Variants in MYO5A observed in about 807,000 individuals in gnomAD.
The protein encoded by MYO5A is myosin VA.
A neutral mutation model predicts 249.7 loss-of-function variants in MYO5A; 98 were observed. That is an observed-to-expected ratio of 0.39 (90% CI 0.33 to 0.46). The LOEUF is 0.46. Ranked by LOEUF, MYO5A falls within the 20% of genes least tolerant of loss-of-function variation. The probability of loss-of-function intolerance (pLI) is 0.98; values close to 1 mark genes in which losing one functional copy is unlikely to be tolerated. For missense variants in MYO5A, 1,696 were observed against 2,308.8 expected, an observed-to-expected ratio of 0.73 and a Z score of 5.44; for synonymous variants, 778 against 810.6, an observed-to-expected ratio of 0.96 and a Z score of 0.68.
At chr15:52,446,839 C>T (rs541426855) in intron 1 of MYO5A, among the ~76,000 whole-genome samples, 1 of 152,318 alleles carries the variant, frequency 6.6e-6, no homozygotes, top group African/African-American at 2.4e-5. Flanking sequence ...AGGTTTCAAA[C>T]TTGTCTGTAG....
chr15:52,462,565 C>T (rs769058512), intron 1 of MYO5A, among the ~76,000 whole-genome samples: 20 of 151,746 alleles, frequency 1.3e-4, no homozygotes, highest in African/African-American at 2.4e-4. Context: ...TTAAGGTTAT[C>T]GGCCAGGCAC....
intron 4 of MYO5A, among the ~76,000 whole-genome samples, chr15:52,419,192 C>A (rs1378875524): frequency 1.3e-5 from 2 of 152,170 alleles, no homozygotes; most frequent in Admixed American, 6.6e-5. Context: ...GCACCTAGGT[C>A]TAACTTTTTA....
chr15:52,403,208 A>G (rs1166428376), intron 9 of MYO5A, among the ~76,000 whole-genome samples: 1 of 152,224 alleles, frequency 6.6e-6, no homozygotes, highest in African/African-American at 2.4e-5. Context: ...ACAAGGGCAA[A>G]GAGGAAAGAT....
At chr15:52,502,621 G>A (rs578175478) in intron 1 of MYO5A, among the ~76,000 whole-genome samples, 1 of 152,312 alleles carries the variant, frequency 6.6e-6, no homozygotes, top group African/African-American at 2.4e-5. Context: ...CTTTTAGTAA[G>A]AGAACAGAGA....
At chr15:52,506,711 T>C (rs1326272231) in intron 1 of MYO5A, among the ~76,000 whole-genome samples, 1 of 152,066 alleles carries the variant, frequency 6.6e-6, no homozygotes, top group Non-Finnish European at 1.5e-5. Flanking sequence ...TGCCTGCACC[T>C]GTAATCCCAG....
chr15:52,522,948 C>T (rs879694561), intron 1 of MYO5A, among the ~76,000 whole-genome samples: 2 of 151,716 alleles, frequency 1.3e-5, no homozygotes, highest in East Asian at 1.9e-4. Flanking sequence ...GGACAATACA[C>T]AAAACTTTCA....
At chr15:52,440,997 A>C (rs2075774217) in intron 1 of MYO5A, among the ~76,000 whole-genome samples, 1 of 152,238 alleles carries the variant, frequency 6.6e-6, no homozygotes, top group Non-Finnish European at 1.5e-5. Flanking sequence ...CAAGCATATT[A>C]CAAAAACTAA....
chr15:52,407,460 T>C, intron 7 of MYO5A, 61 bp from the exon 8 acceptor site: 2 of 1,187,838 alleles, frequency 1.7e-6, no homozygotes, highest in Middle Eastern at 1.9e-4. Context: ...TCTAACCTTA[T>C]GTCCACTCTG....
At position 52,345,085 on chromosome 15, in the gene MYO5A, C is replaced by T. The variant is rs139612589; in HGVS notation, c.3959+1276G>A. ...GTCATCCTTCAATATCCATTGGGTTCCAGGTCCTCCCTTGGATAGCAAGAT... is the reference window on the plus strand; with the variant it reads ...GTCATCCTTCAATATCCATTGGGTTTCAGGTCCTCCCTTGGATAGCAAGAT... On this transcript the variant is annotated intron_variant, in intron 30 of 41. Coordinates refer to ENST00000399233, the MANE Select transcript of MYO5A (RefSeq NM_001382347.1). Among the ~76,000 whole-genome samples the T allele has an allele frequency of 4.3e-4, 65 of 152,288 alleles. 1 individual carries two copies. In the East Asian group the frequency reaches 6.9e-3, roughly 16 times the overall value.
At position 52,313,462 on chromosome 15, in the gene MYO5A, G is replaced by A. The variant is rs1040039255; in HGVS notation, c.*234C>T. The A allele has an allele frequency of 2.1e-5, 11 of 527,262 alleles. No homozygotes were observed. Among genetic ancestry groups the A allele is most frequent in the African/African-American group, 3.8e-5 (2 of 52,254 alleles). 32.7% of individuals were successfully genotyped at this position (527,262 alleles called of 1,614,324 possible). On this transcript the variant is annotated 3_prime_UTR_variant, in exon 42 of 42. Transcript: ENST00000399233. Reference sequence around the variant, plus strand: ...ATCATTCTCCTGTATGTAAACTCACGGTACCTAGTTGGTTAAGGATGAGTG... The same window carrying A: ...ATCATTCTCCTGTATGTAAACTCACAGTACCTAGTTGGTTAAGGATGAGTG...
chr15:52,399,988 C>A lies in MYO5A; in HGVS notation c.1054-2522G>T, dbSNP rs575835524. ...TTGCTGCAAAGGGCATGATTTCATT[C>A]TTTTTTATGACTGGGTAGTATTCCA... is the stretch of plus-strand genomic sequence containing the variant. On this transcript the variant is annotated intron_variant, in intron 9 of 41. Transcript: ENST00000399233. Among the ~76,000 whole-genome samples, 8 of 152,186 alleles carry A rather than the reference C, an allele frequency of 5.3e-5. No homozygotes were observed. The South Asian group carries it at 1.7e-3, about 32-fold the overall frequency.
chr15:52,423,275 G>A (rs2075320143), intron 4 of MYO5A, among the ~76,000 whole-genome samples: 1 of 152,148 alleles, frequency 6.6e-6, no homozygotes, highest in Non-Finnish European at 1.5e-5. Context: ...AAGGCTGGCT[G>A]GGCGTGGTGG....
At chr15:52,491,828 G>A (rs1043012157) in intron 1 of MYO5A, among the ~76,000 whole-genome samples, 2 of 152,012 alleles carry the variant, frequency 1.3e-5, no homozygotes, top group African/African-American at 2.4e-5. Context: ...CTACACCATG[G>A]CAACATAATT....
chr15:52,491,117 A>AT (rs1567175271), intron 1 of MYO5A, among the ~76,000 whole-genome samples: 1 of 152,146 alleles, frequency 6.6e-6, no homozygotes, highest in African/African-American at 2.4e-5. Context: ...TTACAATTTA[A>AT]TTTTTTTAAA....
At chr15:52,348,793 T>TAAAAAA in intron 29 of MYO5A, 25 bp downstream of exon 29, 1 of 1,236,416 alleles carries the variant, frequency 8.1e-7, no homozygotes, top group Admixed American at 2.6e-5. Flanking sequence ...AAGTATTTAC[T>TAAAAAA]AAAAAAAAAA....
rs376333167 is a variant in MYO5A, at chr15:52,340,405, G to C, written c.4041-11C>G. On this transcript the variant is annotated splice_polypyrimidine_tract_variant and intron_variant, in intron 31 of 41. Transcript: ENST00000399233. ...TGGGATTCCAGGAGCCTGCGGAGAG[G>C]ACACATGGGTCGGAAGGGGAGACGA... The C allele has an allele frequency of 2.4e-5, 38 of 1,610,486 alleles. No homozygotes were observed. Among genetic ancestry groups the C allele is most frequent in the Non-Finnish European group, 3.1e-5 (36 of 1,179,922 alleles).
chr15:52,459,658 G>A (rs1283610189), intron 1 of MYO5A, among the ~76,000 whole-genome samples: 4 of 152,176 alleles, frequency 2.6e-5, no homozygotes, highest in African/African-American at 4.8e-5. Flanking sequence ...TTGTCATCAC[G>A]GCCCGCTCTC....
At chr15:52,474,835 T>C (rs1421653740) in intron 1 of MYO5A, among the ~76,000 whole-genome samples, 1 of 152,234 alleles carries the variant, frequency 6.6e-6, no homozygotes, top group Admixed American at 6.5e-5. Context: ...ATCAGGGATA[T>C]TGGCCTAAAA....
chr15:52,425,522 G>A (rs978277077), intron 4 of MYO5A, among the ~76,000 whole-genome samples: 3 of 152,064 alleles, frequency 2.0e-5, no homozygotes, highest in Admixed American at 6.6e-5. Context: ...TCCACACCCG[G>A]CTAATTTTTG....
Sources: gnomAD v4.1 joint callset for allele counts (sites outside exome capture counted in the v4.1 genomes callset) on GRCh38, gnomAD v4.1.1 for gene constraint, MANE v1.5 for transcripts, NCBI Gene and HGNC (gene_info 2026-07-23, HGNC 2026-07-21) for gene names.